The following MSI2 variants were observed in gnomAD, a reference collection of about 807,000 sequenced individuals.
MSI2 encodes the protein RNA-binding protein Musashi homolog 2.
MSI2 carries 17 observed loss-of-function variants against 45.6 expected under a neutral mutation model. That is an observed-to-expected ratio of 0.37 (90% CI 0.26 to 0.56). The LOEUF is 0.56. MSI2 is among the 20% of genes least tolerant of loss of function. The pLI is 0.77. For synonymous variants in MSI2, 156 were observed against 158.2 expected (o/e 0.99, Z 0.11); for missense variants, 293 against 444.2 (o/e 0.66, Z 3.06).
At chr17:57,457,825 C>CT (rs2085144767) in intron 6 of MSI2, among the ~76,000 whole-genome samples, 1 of 152,192 alleles carries the variant, frequency 6.6e-6, no homozygotes, top group Non-Finnish European at 1.5e-5. Flanking sequence ...GGGAGGATCA[C>CT]TTGAGTCCAG....
chr17:57,339,596 T>G (rs1187503699), intron 5 of MSI2, among the ~76,000 whole-genome samples: 1 of 152,226 alleles, frequency 6.6e-6, no homozygotes, highest in Non-Finnish European at 1.5e-5. Flanking sequence ...TGTTTCTAAC[T>G]TCTCAGCCTT....
chr17:57,402,843 G>C (rs1460437842), intron 6 of MSI2, among the ~76,000 whole-genome samples: 3 of 152,176 alleles, frequency 2.0e-5, no homozygotes, highest in Non-Finnish European at 4.4e-5. Flanking sequence ...TTGTCAGCTG[G>C]GGATGGATTC....
chr17:57,409,199 C>T (rs1192564925), intron 6 of MSI2, among the ~76,000 whole-genome samples: 3 of 152,196 alleles, frequency 2.0e-5, no homozygotes, highest in Admixed American at 2.0e-4. Flanking sequence ...TGTTGCTAAC[C>T]TCACCACTGC....
intron 6 of MSI2, among the ~76,000 whole-genome samples, chr17:57,483,929 G>A (rs542891313): frequency 1.3e-5 from 2 of 152,330 alleles, no homozygotes; most frequent in East Asian, 1.9e-4. Context: ...GGAGCTAGGG[G>A]CAAATCAAAA....
intron 7 of MSI2, among the ~76,000 whole-genome samples, chr17:57,592,912 A>G (rs1003429094): frequency 1.3e-5 from 2 of 152,156 alleles, no homozygotes; most frequent in African/African-American, 2.4e-5. Context: ...TGGACCAGGA[A>G]GGAGTTGGTT....
At chr17:57,488,384 A>C (rs1185957462) in intron 6 of MSI2, among the ~76,000 whole-genome samples, 1 of 152,176 alleles carries the variant, frequency 6.6e-6, no homozygotes, top group Non-Finnish European at 1.5e-5. Flanking sequence ...CTACTATATT[A>C]TGTATTTAAA....
intron 7 of MSI2, among the ~76,000 whole-genome samples, chr17:57,530,247 C>T (rs1567880751): frequency 6.6e-6 from 1 of 152,160 alleles, no homozygotes; most frequent in African/African-American, 2.4e-5. Flanking sequence ...TTGTGTTTTT[C>T]CCTGTGCTGC....
At chr17:57,606,607 A>AG (rs947328919) in intron 8 of MSI2, among the ~76,000 whole-genome samples, 4 of 152,084 alleles carry the variant, frequency 2.6e-5, no homozygotes, top group African/African-American at 9.7e-5. Context: ...AGGACCTCTG[A>AG]GGGAAGAGCC....
chr17:57,683,511 G>A lies in MSI2; in HGVS notation c.*3994G>A. The A allele has an allele frequency of 4.3e-6, 1 of 230,176 alleles. No homozygotes were observed. 14.3% of individuals were successfully genotyped at this position (230,176 alleles called of 1,614,324 possible). On this transcript the variant is annotated 3_prime_UTR_variant, in exon 14 of 14. Transcript: ENST00000284073. This position sits in a 1 kb window ranked among gnomAD's most constrained non-coding sequence, Gnocchi z 5.2. ...TCACTGCAGCATATTCAAGAATAAA[G>A]CAATATCGTTTACTACATTTTTTAT... is the stretch of plus-strand genomic sequence containing the variant.
chr17:57,307,614 AG>A (rs1420509694), intron 5 of MSI2, among the ~76,000 whole-genome samples: 1 of 152,192 alleles, frequency 6.6e-6, no homozygotes, highest in East Asian at 1.9e-4. Flanking sequence ...TAGTAGAGAC[AG>A]GGTTGCACCA....
Position 57,401,477 on chromosome 17 carries a change from C to T in MSI2, c.405+6C>T, listed in dbSNP as rs114196658. 4.8e-4 allele frequency: 781 copies of T among 1,612,572 alleles called. 2 individuals are homozygous for T. In the African/African-American group the frequency reaches 9.0e-3, roughly 19 times the overall value. ...ATTTCGAGCAGTTTGGCAAGGTAAGCGCTGGATGGGGTTGGATGGCACATG... is the reference window on the plus strand; with the variant it reads ...ATTTCGAGCAGTTTGGCAAGGTAAGTGCTGGATGGGGTTGGATGGCACATG... On this transcript the variant is annotated splice_donor_region_variant and intron_variant, in intron 6 of 13. Coordinates refer to ENST00000284073, the MANE Select transcript of MSI2 (RefSeq NM_138962.4).
chr17:57,669,884 G>T (rs538111551), intron 11 of MSI2, among the ~76,000 whole-genome samples: 2 of 152,270 alleles, frequency 1.3e-5, no homozygotes, highest in African/African-American at 4.8e-5. Context: ...ATGTACCAGG[G>T]GCCACTGCGG....
At chr17:57,574,851 G>C (rs1320196474) in intron 7 of MSI2, among the ~76,000 whole-genome samples, 1 of 117,898 alleles carries the variant, frequency 8.5e-6, no homozygotes, top group South Asian at 2.6e-4. Flanking sequence ...TTTTTTTTGA[G>C]ACGGAGTCTC....
chr17:57,682,292 G>A lies in MSI2; in HGVS notation c.*2775G>A, dbSNP rs1220005947. On this transcript the variant is annotated 3_prime_UTR_variant, in exon 14 of 14. Coordinates refer to ENST00000284073, the MANE Select transcript of MSI2 (RefSeq NM_138962.4). ...CAAGGTCTCACCATGTTAAAATGCC[G>A]GCGGACTCTACGGCGTTTTGTAGAT... The A allele has an allele frequency of 1.6e-5, 3 of 191,256 alleles. No homozygotes were observed. Among genetic ancestry groups the A allele is most frequent in the East Asian group, 8.3e-5 (1 of 12,066 alleles). 11.8% of individuals were successfully genotyped at this position (191,256 alleles called of 1,614,324 possible). A position where few individuals can be genotyped will look rare whatever the true frequency, so the allele number is the denominator to read the frequency against.
chr17:57,695,515 C>G, the MSI2 span, among the ~76,000 whole-genome samples: 4 of 152,198 alleles, frequency 2.6e-5, no homozygotes, highest in Admixed American at 2.0e-4. Flanking sequence ...ACAAAGAAGA[C>G]AGGTACAGAG....
chr17:57,361,475 C>T (rs781519910), intron 5 of MSI2, among the ~76,000 whole-genome samples: 7 of 151,728 alleles, frequency 4.6e-5, no homozygotes, highest in Non-Finnish European at 1.0e-4. Flanking sequence ...GGCATGGTGG[C>T]TCATGCCTGT....
chr17:57,600,779 CAT>C (rs1905788340), intron 8 of MSI2: 1 of 152,234 alleles, frequency 6.6e-6, no homozygotes, highest in South Asian at 2.1e-4. Context: ...CCCTTTCACA[CAT>C]AAAGATCCCA....
intron 7 of MSI2, among the ~76,000 whole-genome samples, chr17:57,589,309 G>C (rs1049980199): frequency 2.6e-5 from 4 of 152,190 alleles, no homozygotes; most frequent in Admixed American, 2.6e-4. Flanking sequence ...CTTTTGAAAA[G>C]GTAGCTTGTT....
intron 6 of MSI2, among the ~76,000 whole-genome samples, chr17:57,420,569 C>G (rs1284011106): frequency 6.6e-6 from 1 of 152,182 alleles, no homozygotes; most frequent in East Asian, 1.9e-4. Context: ...CCGTACTTTC[C>G]CAGCCTGAAT....
Sources: gnomAD v4.1 joint callset for allele counts (sites outside exome capture counted in the v4.1 genomes callset) on GRCh38, gnomAD v4.1.1 for gene constraint, Gnocchi (gnomAD v3.1) non-coding constraint, MANE v1.5 for transcripts, NCBI Gene and HGNC (gene_info 2026-07-23, HGNC 2026-07-21) for gene names.